Variants in MYRFL observed in about 807,000 individuals in gnomAD.
MYRFL encodes myelin regulatory factor-like protein.
A neutral mutation model predicts 109.4 loss-of-function variants in MYRFL; 88 were observed. The observed-to-expected ratio is 0.80, with a 90% CI of 0.68 to 0.96. The LOEUF (loss-of-function observed/expected upper bound fraction) is 0.96, where lower values mean the gene tolerates loss of function less well. MYRFL is among the 40% of genes least tolerant of loss of function. The pLI is 0.00. For synonymous variants in MYRFL, 324 were observed against 320.9 expected (o/e 1.01, Z -0.10); for missense variants, 957 against 954.9 (o/e 1.00, Z -0.03).
At chr12:69,878,935 G>C in intron 2 of MYRFL, 93 bp from the exon 3 acceptor site, 1 of 697,208 alleles carries the variant, frequency 1.4e-6, no homozygotes, top group Non-Finnish European at 2.6e-6. Flanking sequence ...CCATCACTGT[G>C]GGGGCTGTAC....
chr12:69,903,820 C>T lies in MYRFL; in HGVS notation c.1359C>T (p.Ser453=). 1 of 1,533,330 alleles carries T rather than the reference C, an allele frequency of 6.5e-7. No homozygotes were observed. The highest frequency in any genetic ancestry group is 8.7e-7 in the Non-Finnish European group (1 of 1,145,030). 95.0% of individuals were successfully genotyped at this position (1,533,330 alleles called of 1,614,324 possible). Reference sequence around the variant, plus strand: ...GGACCATCATGCATCCCTCTGACAGCCGGGCAAAGCAGAATATCCAGGAGG... The same window carrying T: ...GGACCATCATGCATCCCTCTGACAGTCGGGCAAAGCAGAATATCCAGGAGG... ...VMGTIMHPSD[S]RAKQNIQEVD... The change falls in exon 11 of 25, where the codon AGC becomes AGT. Residue 453 remains serine, a synonymous_variant. Coordinates refer to ENST00000552032, the MANE Select transcript of MYRFL (RefSeq NM_182530.3).
intron 2 of MYRFL, among the ~76,000 whole-genome samples, chr12:69,860,847 A>C (rs7136738): frequency 1.4e-5 from 2 of 140,794 alleles, no homozygotes; most frequent in Non-Finnish European, 3.1e-5. Context: ...CCATTAACTC[A>C]TCATTTAGCA....
Position 69,936,466 on chromosome 12 carries a change from C to A in MYRFL, c.2058C>A (p.Ser686=), listed in dbSNP as rs751930125. ...PTASSSAPNT[S]LVTTPASLQV... ...AATGCCTTGCAGCACCTAATACATC[C>A]CTGGTAACCACACCGGCCTCCTTAC... Residue 686 remains serine (S), a synonymous_variant, in exon 19 of 25, where the codon TCC becomes TCA. Transcript: ENST00000552032. 1 of 1,535,346 alleles carries A rather than the reference C, an allele frequency of 6.5e-7. No homozygotes were observed. The highest frequency in any genetic ancestry group is 1.2e-5 in the South Asian group (1 of 83,896).
intron 2 of MYRFL, among the ~76,000 whole-genome samples, chr12:69,870,227 A>ATTTTTTTTTTT (rs71094744): frequency 9.0e-6 from 1 of 110,708 alleles, no homozygotes; most frequent in Non-Finnish European, 1.8e-5. Context: ...CGTCTGGCTA[A>ATTTTTTTTTTT]TTTTTTTTTT....
intron 1 of MYRFL, among the ~76,000 whole-genome samples, chr12:69,850,806 T>A (rs1883834220): frequency 1.3e-5 from 2 of 152,212 alleles, no homozygotes; most frequent in Admixed American, 1.3e-4. Flanking sequence ...CACCTCAGTT[T>A]CTGTATTCTT....
chr12:69,886,743 T>C (rs531238797), intron 5 of MYRFL, 77 bp from the exon 6 acceptor site: 11 of 1,497,838 alleles, frequency 7.3e-6, no homozygotes, highest in Non-Finnish European at 9.8e-6. Context: ...GGCCCACTCA[T>C]CAGCTTCATG....
chr12:69,873,770 C>A (rs1210576397), intron 2 of MYRFL, among the ~76,000 whole-genome samples: 1 of 151,900 alleles, frequency 6.6e-6, no homozygotes, highest in African/African-American at 2.4e-5. Flanking sequence ...GTAACTGAAA[C>A]CTTAGAAAGT....
At chr12:69,926,518 G>A (rs905415612) in intron 13 of MYRFL, 53 bp from the exon 14 acceptor site, 2 of 1,420,076 alleles carry the variant, frequency 1.4e-6, no homozygotes, top group Non-Finnish European at 1.8e-6. Flanking sequence ...AGACAGCTTT[G>A]TAGTGATCTC....
At chr12:69,840,463 A>G (rs1487731237) in intron 1 of MYRFL, among the ~76,000 whole-genome samples, 2 of 152,126 alleles carry the variant, frequency 1.3e-5, no homozygotes, top group African/African-American at 2.4e-5. Context: ...CCCAAGTTGT[A>G]TCAAAAGCTC....
intron 9 of MYRFL, among the ~76,000 whole-genome samples, chr12:69,896,393 G>T (rs1326415378): frequency 1.3e-5 from 2 of 152,206 alleles, no homozygotes; most frequent in African/African-American, 4.8e-5. Flanking sequence ...TTCTCTAAGA[G>T]AATAGGAATG....
chr12:69,895,283 A>C (rs7964113), intron 8 of MYRFL, 88 bp from the exon 9 acceptor site: 71 of 974,634 alleles, frequency 7.3e-5, no homozygotes, highest in Non-Finnish European at 1.1e-4. Flanking sequence ...CCAAGCATAG[A>C]TGAGAGTCTG....
chr12:69,925,867 A>G (rs373377904), intron 13 of MYRFL, among the ~76,000 whole-genome samples: 26 of 152,338 alleles, frequency 1.7e-4, no homozygotes, highest in East Asian at 7.7e-4. Context: ...TGACACCTCA[A>G]TAATTATCTT....
chr12:69,887,479 A>G (rs1886530186), intron 6 of MYRFL, among the ~76,000 whole-genome samples: 1 of 152,220 alleles, frequency 6.6e-6, no homozygotes, highest in South Asian at 2.1e-4. Flanking sequence ...CAAATCATAC[A>G]AAACATCCTA....
At chr12:69,885,630 C>T (rs759938612) in intron 5 of MYRFL, among the ~76,000 whole-genome samples, 6 of 152,140 alleles carry the variant, frequency 3.9e-5, no homozygotes, top group Non-Finnish European at 8.8e-5. Context: ...CATACCAATA[C>T]CATTTTACAT....
At chr12:69,943,460 T>A in intron 19 of MYRFL, among the ~76,000 whole-genome samples, 1 of 145,356 alleles carries the variant, frequency 6.9e-6, no homozygotes, top group Admixed American at 7.0e-5. Context: ...TAAATGGTGC[T>A]GGGAAAACTG....
rs1239565907 is a variant in MYRFL, at chr12:69,935,839, CA to C, written c.1917-273del. 1.4e-5 allele frequency: 6 copies of C among 438,346 alleles called. No homozygotes were observed. The Admixed American group carries it at 2.4e-4, about 18-fold the overall frequency. The allele number at this position is 438,346 out of a possible 1,614,324, so 27.2% of individuals were successfully genotyped here. A position where few individuals can be genotyped will look rare whatever the true frequency, so the allele number is the denominator to read the frequency against. On this transcript the variant is annotated intron_variant, in intron 16 of 24. Transcript: ENST00000552032. ...CCACTAGTGACAGGCACCTCTGAGA[CA>C]GCTTGCCAGGGCTGGGGGGCTGCTC...
intron 13 of MYRFL, among the ~76,000 whole-genome samples, chr12:69,924,190 G>GAAAAA (rs543542332): frequency 1.3e-5 from 1 of 79,868 alleles, no homozygotes. Flanking sequence ...CTCCGTCTCA[G>GAAAAA]AAAAAAAAAA....
At chr12:69,951,850 T>A (rs146117338) in intron 19 of MYRFL, among the ~76,000 whole-genome samples, 2 of 152,330 alleles carry the variant, frequency 1.3e-5, no homozygotes, top group Admixed American at 1.3e-4. Flanking sequence ...TCTGAGGTAC[T>A]GGGGGATAAG....
intron 2 of MYRFL, among the ~76,000 whole-genome samples, chr12:69,877,809 C>T (rs770467343): frequency 7.6e-4 from 115 of 152,172 alleles, no homozygotes; most frequent in Admixed American, 7.2e-4. Flanking sequence ...GCTTCCTCTT[C>T]AAGCAAGAGA....
Sources: allele counts gnomAD v4.1 joint callset (sites outside exome capture counted in the v4.1 genomes callset), GRCh38; gene constraint gnomAD v4.1.1; transcripts MANE v1.5; gene names NCBI Gene and HGNC (gene_info 2026-07-23, HGNC 2026-07-21).